The following DIP2C variants were observed in gnomAD, a reference collection of about 807,000 sequenced individuals.
DIP2C encodes the protein DIP2 acetate--CoA ligase C (putative).
A neutral mutation model predicts 192.4 loss-of-function variants in DIP2C; 33 were observed. The ratio of observed to expected loss-of-function variants is 0.17; its 90% CI spans 0.13 to 0.23. DIP2C has a LOEUF of 0.23. Among genes scored for constraint, DIP2C ranks in the 10% least tolerant of loss-of-function variants. The pLI is 1.00. For synonymous variants in DIP2C, 979 were observed against 864.1 expected (o/e 1.13, Z -2.33); for missense variants, 1,537 against 2,110.1 (o/e 0.73, Z 5.32).
Position 557,676 on chromosome 10 carries a change from G to A in DIP2C, c.86-71146C>T, listed in dbSNP as rs540751365. Among the ~76,000 whole-genome samples the A allele has an allele frequency of 4.2e-3, 161 of 38,284 alleles. 4 individuals carry two copies. The highest frequency in any genetic ancestry group is 0.031 in the South Asian group (28 of 896). The allele number at this position is 38,284 out of a possible 152,430, so 25.1% of individuals were successfully genotyped here. ...TGCACAGGCACATACACATGTGGGGGTGGGGGTGGGGGTGGGGGTGGGGGC... is the reference window on the plus strand; with the variant it reads ...TGCACAGGCACATACACATGTGGGGATGGGGGTGGGGGTGGGGGTGGGGGC... On this transcript the variant is annotated intron_variant, in intron 1 of 36. Coordinates refer to ENST00000280886, the MANE Select transcript of DIP2C (RefSeq NM_014974.3).
chr10:539,386 T>C (rs778263247), intron 1 of DIP2C, among the ~76,000 whole-genome samples: 8 of 152,334 alleles, frequency 5.3e-5, no homozygotes, highest in South Asian at 4.1e-4. Context: ...ACTATTCACA[T>C]GGCAAGTACA....
chr10:309,560 CTTTTTT>C (rs766027771), intron 32 of DIP2C, among the ~76,000 whole-genome samples: 1 of 137,152 alleles, frequency 7.3e-6, no homozygotes, highest in Non-Finnish European at 1.6e-5. Context: ...AACAGAGTTT[CTTTTTT>C]TTTTTTTTTT....
chr10:292,415 T>G (rs1955537057), intron 32 of DIP2C, among the ~76,000 whole-genome samples: 1 of 152,268 alleles, frequency 6.6e-6, no homozygotes, highest in Admixed American at 6.5e-5. Flanking sequence ...AACTGTCTTT[T>G]CATCCTACGC....
At chr10:448,066 T>C (rs1305093373) in intron 3 of DIP2C, among the ~76,000 whole-genome samples, 11 of 85,048 alleles carry the variant, frequency 1.3e-4, no homozygotes, top group East Asian at 4.1e-4. Flanking sequence ...GACCCACTCA[T>C]CCCCGTCTAT....
intron 3 of DIP2C, among the ~76,000 whole-genome samples, chr10:469,694 C>G (rs1353655349): frequency 1.3e-5 from 2 of 152,150 alleles, no homozygotes; most frequent in Non-Finnish European, 2.9e-5. Flanking sequence ...AGCCCATGCT[C>G]CATGCTGCTG....
In DIP2C at chr10:366,383, C is replaced by G; in HGVS notation, c.2160G>C (p.Gly720=). ...GAIMCSVKPD[G]VPQLCRTDEI... is the part of the protein sequence containing the mutation. ...CATCCGTTCTGCACAGCTGAGGAAC[C>G]CCGTCTGGCTTCACTGAACACATGA... Residue 720 remains glycine, a synonymous_variant, in exon 19 of 37, where the codon GGG becomes GGC. Transcript: ENST00000280886. 3 of 1,614,182 alleles carry G rather than the reference C, an allele frequency of 1.9e-6. No individual in the cohort carries two copies. The highest frequency in any genetic ancestry group is 2.5e-6 in the Non-Finnish European group (3 of 1,180,038).
intron 1 of DIP2C, among the ~76,000 whole-genome samples, chr10:562,970 A>G (rs908897127): frequency 1.3e-5 from 2 of 152,394 alleles, no homozygotes; most frequent in South Asian, 2.1e-4. Flanking sequence ...GCAACCTTAT[A>G]AAGTCTACTG....
chr10:602,093 G>C (rs955554351), intron 1 of DIP2C, among the ~76,000 whole-genome samples: 1 of 151,380 alleles, frequency 6.6e-6, no homozygotes, highest in Non-Finnish European at 1.5e-5. Context: ...GTGGGGGCGG[G>C]GAATGTCTTA....
At chr10:519,402 CTCAT>C (rs1207426814) in intron 1 of DIP2C, among the ~76,000 whole-genome samples, 1 of 152,250 alleles carries the variant, frequency 6.6e-6, no homozygotes, top group Admixed American at 6.5e-5. Flanking sequence ...GGTTTCTGAA[CTCAT>C]TCAATCGCTG....
intron 1 of DIP2C, among the ~76,000 whole-genome samples, chr10:674,787 TATAGAGAGAG>T (rs1335143342): frequency 6.1e-5 from 5 of 81,580 alleles, no homozygotes; most frequent in African/African-American, 3.5e-4. Context: ...TATATATATA[TATAGAGAGAG>T]AGAGAGAGAG....
At chr10:470,052 T>C (rs1328891939) in intron 3 of DIP2C, among the ~76,000 whole-genome samples, 1 of 152,016 alleles carries the variant, frequency 6.6e-6, no homozygotes, top group Non-Finnish European at 1.5e-5. Context: ...GATGAAATGT[T>C]TGATAGATGG....
chr10:536,409 A>G (rs1847696793), intron 1 of DIP2C, among the ~76,000 whole-genome samples: 1 of 152,200 alleles, frequency 6.6e-6, no homozygotes, highest in East Asian at 1.9e-4. Context: ...CTATCTGCAA[A>G]GACCCTGTTC....
At chr10:685,378 C>A (rs912017826) in intron 1 of DIP2C, among the ~76,000 whole-genome samples, 6 of 151,892 alleles carry the variant, frequency 4.0e-5, no homozygotes, top group Non-Finnish European at 8.8e-5. Context: ...CAGAGCAGAG[C>A]ATGGAGGATG....
At chr10:345,907 T>C (rs377573700) in intron 26 of DIP2C, among the ~76,000 whole-genome samples, 15 of 364 alleles carry the variant, frequency 0.041, no homozygotes, top group Admixed American at 0.062. Flanking sequence ...CCCAGACACA[T>C]CGCGCATAGT....
intron 3 of DIP2C, 145 bp downstream of exon 3, chr10:472,294 G>T (rs755029772): frequency 1.8e-5 from 11 of 619,804 alleles, no homozygotes; most frequent in Non-Finnish European, 3.1e-5. Flanking sequence ...TCCCGAGAGG[G>T]TGTGTCCGTG....
intron 26 of DIP2C, 136 bp downstream of exon 26, chr10:348,505 T>C: frequency 1.4e-6 from 2 of 1,396,156 alleles, no homozygotes; most frequent in Non-Finnish European, 1.9e-6. Context: ...AGAGACCCTG[T>C]CCTGACCGTT....
chr10:638,116 C>T (rs1002251615), intron 1 of DIP2C, among the ~76,000 whole-genome samples: 1 of 152,142 alleles, frequency 6.6e-6, no homozygotes, highest in East Asian at 1.9e-4. Flanking sequence ...GTCAGCTGGG[C>T]ACCGAGTCTG....
At chr10:290,085 A>G (rs1487514997) in intron 32 of DIP2C, among the ~76,000 whole-genome samples, 1 of 152,246 alleles carries the variant, frequency 6.6e-6, no homozygotes, top group Non-Finnish European at 1.5e-5. Flanking sequence ...GCGGGAGAAC[A>G]GAGAGGAGAC....
chr10:668,498 A>T (rs1207859520), intron 1 of DIP2C: 1 of 151,742 alleles, frequency 6.6e-6, no homozygotes, highest in Non-Finnish European at 1.5e-5. Context: ...ATACAACACA[A>T]CACTCATACA....
Sources: gnomAD v4.1 joint callset for allele counts (sites outside exome capture counted in the v4.1 genomes callset) on GRCh38, gnomAD v4.1.1 for gene constraint, MANE v1.5 for transcripts, NCBI Gene and HGNC (gene_info 2026-07-23, HGNC 2026-07-21) for gene names.